TAPT1: variants seen among roughly 807,000 people sequenced by gnomAD.
TAPT1 encodes transmembrane anterior posterior transformation 1.
In TAPT1, 28 loss-of-function variants were observed where a neutral mutation model predicts 65.6. That is an observed-to-expected ratio of 0.43 (90% CI 0.32 to 0.59). The LOEUF (loss-of-function observed/expected upper bound fraction) is 0.59, where lower values mean the gene tolerates loss of function less well. TAPT1 is among the 20% of genes least tolerant of loss of function. The pLI, the probability that TAPT1 is intolerant of heterozygous loss-of-function variation, is 0.09. For synonymous variants in TAPT1, 278 were observed against 245.2 expected, an observed-to-expected ratio of 1.13 and a Z score of -1.25; for missense variants, 563 against 679.9, an observed-to-expected ratio of 0.83 and a Z score of 1.91.
chr4:16,174,544 T>A (rs112953108), intron 10 of TAPT1, 126 bp downstream of exon 10: 3 of 814,058 alleles, frequency 3.7e-6, no homozygotes, highest in African/African-American at 3.5e-5. Flanking sequence ...GTGTTGAGAA[T>A]AGAGATCAGT....
At chr4:16,216,432 T>G (rs923917971) in intron 1 of TAPT1, among the ~76,000 whole-genome samples, 1 of 152,240 alleles carries the variant, frequency 6.6e-6, no homozygotes, top group Admixed American at 6.5e-5. Flanking sequence ...ATCAAAATCC[T>G]AAAATCACAT....
At chr4:16,166,208 T>C (rs1489164349) in intron 13 of TAPT1, among the ~76,000 whole-genome samples, 2 of 152,236 alleles carry the variant, frequency 1.3e-5, no homozygotes, top group Non-Finnish European at 2.9e-5. Flanking sequence ...CTCTGTGCAG[T>C]GCCATCTCCT....
intron 11 of TAPT1, among the ~76,000 whole-genome samples, chr4:16,173,634 A>G: frequency 6.6e-6 from 1 of 152,224 alleles, no homozygotes; most frequent in East Asian, 1.9e-4. Context: ...ATTAATTACC[A>G]CTGATAGAGA....
chr4:16,171,902 G>A (rs887286072), intron 11 of TAPT1, among the ~76,000 whole-genome samples: 3 of 151,286 alleles, frequency 2.0e-5, no homozygotes, highest in Non-Finnish European at 4.4e-5. Context: ...TCCTTTTTTC[G>A]GATATAAAAT....
chr4:16,202,900 T>A (rs1750122763), intron 2 of TAPT1, among the ~76,000 whole-genome samples: 1 of 152,232 alleles, frequency 6.6e-6, no homozygotes. Context: ...CTCATAATTT[T>A]GCTATTCCTG....
intron 12 of TAPT1, 196 bp from the exon 13 acceptor site, chr4:16,166,989 C>CTA: frequency 6.8e-6 from 2 of 292,804 alleles, no homozygotes; most frequent in Non-Finnish European, 6.1e-6. Flanking sequence ...TTCCTTAGTT[C>CTA]TCTTTTTTTT....
rs765524755 is a variant in TAPT1 at position 16,166,668 on chromosome 4, G to A, written c.1439C>T (p.Ser480Phe). Residue 480 changes from serine to phenylalanine, a missense_variant, in exon 13 of 14, where the codon TCC (serine) becomes TTC (phenylalanine). By Grantham distance (155) the Ser-to-Phe change is radical. Transcript: ENST00000405303. ...TTTACATTTGTTCTGTGATTTACTG[G>A]ACGGCTTGCCTGGAGTGCAGGTTGC... Reference protein sequence around the residue: ...PPATCTPGKPSSKSQNKCKPS... With the variant: ...PPATCTPGKPFSKSQNKCKPS... 1 of 1,614,042 alleles carries A rather than the reference G, an allele frequency of 6.2e-7. No homozygotes were observed. Among genetic ancestry groups the A allele is most frequent in the Non-Finnish European group, 8.5e-7 (1 of 1,179,896 alleles).
At chr4:16,174,482 A>C in intron 10 of TAPT1, 188 bp downstream of exon 10, 1 of 674,256 alleles carries the variant, frequency 1.5e-6, no homozygotes, top group East Asian at 2.8e-5. Context: ...AAGAGCATAT[A>C]CTACTTAATG....
rs893097016 is a variant in TAPT1 at position 16,226,415 on chromosome 4, C to A, written c.43G>T (p.Gly15Cys). The change falls in exon 1 of 14, where the codon GGT becomes TGT. Residue 15 changes from glycine (G) to cysteine (C), a missense_variant. This residue lies in a region of TAPT1 where 103 missense variants were observed against 89.4 expected (regional missense o/e 1.15). Transcript: ENST00000405303. ...CGCTGCGGGCCGTCCACGCCGCCACCGCCGCCTTCTCCCGGAGCGGCCGCG... is the reference window on the plus strand; with the variant it reads ...CGCTGCGGGCCGTCCACGCCGCCACAGCCGCCTTCTCCCGGAGCGGCCGCG... ...GDAAAPGEGGGGGVDGPQRDG... is the reference protein window; with the variant it reads ...GDAAAPGEGGCGGVDGPQRDG... The A allele has an allele frequency of 1.5e-4, 164 of 1,088,562 alleles. No homozygotes were observed. The highest frequency in any genetic ancestry group is 1.8e-4 in the Non-Finnish European group (161 of 897,568). 67.4% of individuals were successfully genotyped at this position (1,088,562 alleles called of 1,614,324 possible).
chr4:16,215,593 A>T (rs879812472), intron 1 of TAPT1, among the ~76,000 whole-genome samples: 7 of 152,220 alleles, frequency 4.6e-5, no homozygotes, highest in Non-Finnish European at 1.0e-4. Context: ...AGAAGAAAGC[A>T]GACTTCTTTC....
At position 16,226,370 on chromosome 4, in the gene TAPT1, C is replaced by T. The variant is rs1322095852; in HGVS notation, c.88G>A (p.Glu30Lys). 34 of 1,108,580 alleles carry T rather than the reference C, an allele frequency of 3.1e-5. No individual in the cohort carries two copies. In the South Asian group the frequency reaches 1.2e-3, roughly 41 times the overall value. 68.7% of individuals were successfully genotyped at this position (1,108,580 alleles called of 1,614,324 possible). ...GPQRDGRGEA[E>K]QPGGSGGQGP... ...TGTCCGCCGCTGCCGCCCGGCTGCT[C>T]CGCCTCGCCGCGGCCGTCCCGCTGC... The change falls in exon 1 of 14, where the codon GAG becomes AAG. Residue 30 changes from glutamate (E) to lysine (K), a missense_variant. Glu to Lys is a moderately conservative substitution (Grantham distance 56, BLOSUM62 1). Coordinates refer to ENST00000405303, the MANE Select transcript of TAPT1 (RefSeq NM_153365.3).
chr4:16,204,546 T>C (rs765424056), intron 2 of TAPT1, among the ~76,000 whole-genome samples: 11 of 152,264 alleles, frequency 7.2e-5, no homozygotes, highest in Non-Finnish European at 5.9e-5. Flanking sequence ...AAAAGAGTTA[T>C]AAGTGAAAAC....
intron 3 of TAPT1, chr4:16,196,745 A>G (rs1053987208): frequency 6.4e-6 from 8 of 1,247,080 alleles, no homozygotes; most frequent in African/African-American, 3.1e-5. Flanking sequence ...GAGAGAAAGA[A>G]AGAGAGAAGA....
intron 13 of TAPT1, among the ~76,000 whole-genome samples, chr4:16,164,429 TC>T (rs889963600): frequency 6.6e-5 from 10 of 152,192 alleles, no homozygotes; most frequent in Admixed American, 6.5e-4. Context: ...GTCTGTGTTC[TC>T]CTGACCTCCA....
At chr4:16,220,521 C>T (rs925626308) in intron 1 of TAPT1, among the ~76,000 whole-genome samples, 1 of 152,092 alleles carries the variant, frequency 6.6e-6, no homozygotes, top group African/African-American at 2.4e-5. Flanking sequence ...GAGGCCAAGG[C>T]GGGTGGATCC....
In TAPT1 at chr4:16,213,792, C is replaced by T. The variant is rs6823469; in HGVS notation, c.306G>A (p.Leu102=). 4.0e-3 allele frequency: 6,282 copies of T among 1,573,304 alleles called. 224 individuals carry two copies. In the African/African-American group the frequency reaches 0.077, roughly 19 times the overall value. ...CCTTTTCCAATTCTCTTGGTATTCG[C>T]AAACAAGTGTATACTCTTTCTCTTC... ...TERRERVYTC[L]RIPRELEKLM... is the part of the protein sequence containing the mutation. Residue 102 remains leucine, a synonymous_variant, in exon 2 of 14, where the codon TTG becomes TTA. Coordinates refer to ENST00000405303, the MANE Select transcript of TAPT1 (RefSeq NM_153365.3).
At position 16,221,325 on chromosome 4, in the gene TAPT1, C is replaced by T. The variant is rs1231975861; in HGVS notation, c.199+4934G>A. Among the ~76,000 whole-genome samples the T allele has an allele frequency of 3.3e-5, 5 of 151,710 alleles. No homozygotes were observed. In the East Asian group the frequency reaches 5.9e-4, roughly 18 times the overall value. ...TATTTTAGTAGAGACAGGGTTTCAC[C>T]GTGTTGCCCATACTGGTCTCGAACT... On this transcript the variant is annotated intron_variant, in intron 1 of 13. Transcript: ENST00000405303.
rs1459833210 is a variant in TAPT1, at chr4:16,226,359, G to A, written c.99C>T (p.Gly33=). The stretch of plus-strand genomic sequence containing the variant: ...GCGGGGGCCCCTGTCCGCCGCTGCC[G>A]CCCGGCTGCTCCGCCTCGCCGCGGC... ...RDGRGEAEQP[G]GSGGQGPPPA... The change falls in exon 1 of 14, where the codon GGC becomes GGT. Residue 33 remains glycine (G), a synonymous_variant. Transcript: ENST00000405303. 2 of 1,112,424 alleles carry A rather than the reference G, an allele frequency of 1.8e-6. No individual in the cohort carries two copies. Among genetic ancestry groups the A allele is most frequent in the Non-Finnish European group, 1.1e-6 (1 of 912,310 alleles). 68.9% of individuals were successfully genotyped at this position (1,112,424 alleles called of 1,614,324 possible).
intron 5 of TAPT1, 60 bp from the exon 6 acceptor site, chr4:16,186,938 TA>T (rs1749056955): frequency 1.1e-6 from 1 of 919,746 alleles, no homozygotes; most frequent in African/African-American, 1.7e-5. Context: ...GATAATACTA[TA>T]AAATTTTGAA....
Sources: gnomAD v4.1 joint callset for allele counts (sites outside exome capture counted in the v4.1 genomes callset) on GRCh38, gnomAD v4.1.1 for gene constraint, gnomAD v4.1.1 regional missense constraint, MANE v1.5 for transcripts, NCBI Gene and HGNC (gene_info 2026-07-23, HGNC 2026-07-21) for gene names.